LRRC4B: variants seen among roughly 807,000 people sequenced by gnomAD.
LRRC4B encodes the protein leucine-rich repeat-containing protein 4B.
LRRC4B carries 1 observed loss-of-function variant against 7.3 expected under a neutral mutation model. The ratio of observed to expected loss-of-function variants is 0.14; its 90% CI spans 0.05 to 0.65. The LOEUF (loss-of-function observed/expected upper bound fraction) is 0.65. Ranked by LOEUF, LRRC4B falls within the 30% of genes least tolerant of loss-of-function variation. The probability of loss-of-function intolerance (pLI) is 0.84; values close to 1 mark genes in which losing one functional copy is unlikely to be tolerated. For missense variants in LRRC4B, 730 were observed against 1,041.6 expected (o/e 0.70, Z 4.12); for synonymous variants, 500 against 499.2 (o/e 1.00, Z -0.02).
rs1434819601 is a variant in LRRC4B, at chr19:50,519,519, G to C, written c.298-104C>G. 1 of 1,444,084 alleles carries C rather than the reference G, an allele frequency of 6.9e-7. No homozygotes were observed. The highest frequency in any genetic ancestry group is 1.4e-5 in the African/African-American group (1 of 69,900). 89.5% of individuals were successfully genotyped at this position (1,444,084 alleles called of 1,614,324 possible). ...GTGGGGCCGTGTGGCTGGATCTCCC[G>C]TGCTGTGCTGTGACGGTACGACCTA... On this transcript the variant is annotated intron_variant, in intron 2 of 2. Coordinates refer to ENST00000652263, the MANE Select transcript of LRRC4B (RefSeq NM_001080457.2). This position sits in a 1 kb window ranked among gnomAD's most constrained non-coding sequence, Gnocchi z 8.1.
intron 2 of LRRC4B, among the ~76,000 whole-genome samples, chr19:50,521,451 A>G (rs976062775): frequency 6.6e-6 from 1 of 152,100 alleles, no homozygotes; most frequent in Non-Finnish European, 1.5e-5. Flanking sequence ...TTTTTGAGAC[A>G]GAGTCTTGCT....
At position 50,519,061 on chromosome 19, in the gene LRRC4B, T is replaced by C. The variant is rs1980436606; in HGVS notation, c.652A>G (p.Asn218Asp). The C allele has an allele frequency of 6.2e-7, 1 of 1,609,532 alleles. No homozygotes were observed. The highest frequency in any genetic ancestry group is 8.5e-7 in the Non-Finnish European group (1 of 1,179,892). The change falls in exon 3 of 3, where the codon AAC becomes GAC. Residue 218 changes from asparagine (N) to aspartate (D), a missense_variant. Physicochemically the swap from Asn to Asp is conservative, Grantham distance 23. Transcript: ENST00000652263. This position sits in a 1 kb window ranked among gnomAD's most constrained non-coding sequence, Gnocchi z 8.1. ...NLRYLNLGMC[N>D]LKDIPNLTAL... ...GTCAGGTTGGGGATGTCCTTGAGGT[T>C]GCACATGCCCAGGTTGAGGTAGCGC...
rs1274070282 is a variant in LRRC4B at position 50,555,590 on chromosome 19, G to A, written c.-35-6717C>T. ...AGAGGCTGGGAGGGCCCGGGCACTC[G>A]AGGCGTGAAGCTGAGTCCTCACCGG... On this transcript the variant is annotated intron_variant, in intron 1 of 2. Transcript: ENST00000652263. This position sits in a 1 kb window ranked among gnomAD's most constrained non-coding sequence, Gnocchi z 5.2. 1.3e-5 allele frequency: 2 copies of A among 152,556 alleles called. No individual in the cohort carries two copies. The highest frequency in any genetic ancestry group is 4.8e-5 in the African/African-American group (2 of 41,460). 9.5% of individuals were successfully genotyped at this position (152,556 alleles called of 1,614,324 possible). A position where few individuals can be genotyped will look rare whatever the true frequency, so the allele number is the denominator to read the frequency against.
At chr19:50,527,745 CTTTTTTTCT>C (rs1245823858) in intron 2 of LRRC4B, among the ~76,000 whole-genome samples, 1 of 71,462 alleles carries the variant, frequency 1.4e-5, no homozygotes, top group Non-Finnish European at 2.5e-5. Flanking sequence ...TCTTTCTTTT[CTTTTTTTCT>C]TTTTTTTTTT....
chr19:50,552,683 T>TTCATCCATCCAC (rs1555809091), intron 1 of LRRC4B, among the ~76,000 whole-genome samples: 9,002 of 120,530 alleles, frequency 0.075, 1,094 homozygotes, highest in Middle Eastern at 0.12. Flanking sequence ...CATCCATCCA[T>TTCATCCATCCAC]CCATCCGTCC....
intron 2 of LRRC4B, among the ~76,000 whole-genome samples, chr19:50,535,610 C>G (rs1388792350): frequency 6.6e-6 from 1 of 152,218 alleles, no homozygotes; most frequent in Admixed American, 6.5e-5. Flanking sequence ...ATGATGACTT[C>G]TCATATTTCT....
chr19:50,561,039 G>A (rs181121017), intron 1 of LRRC4B, among the ~76,000 whole-genome samples: 101 of 152,070 alleles, frequency 6.6e-4, no homozygotes, highest in Middle Eastern at 3.4e-3. Flanking sequence ...TGCAGTGAGC[G>A]AAGATAGCAC....
chr19:50,543,335 GGTGTGTGTGTGT>G (rs143123202), intron 2 of LRRC4B, among the ~76,000 whole-genome samples: 4 of 145,194 alleles, frequency 2.8e-5, no homozygotes, highest in African/African-American at 1.0e-4. Context: ...GCCAGGCCCT[GGTGTGTGTGTGT>G]GTGTGTGTGT....
rs576793731 is a variant in LRRC4B at position 50,554,710 on chromosome 19, G to A, written c.-35-5837C>T. 2.0e-5 allele frequency among the ~76,000 whole-genome samples: 3 copies of A among 152,352 alleles called. No individual in the cohort carries two copies. In the East Asian group the frequency reaches 5.8e-4, roughly 29 times the overall value. On this transcript the variant is annotated intron_variant, in intron 1 of 2. Coordinates refer to ENST00000652263, the MANE Select transcript of LRRC4B (RefSeq NM_001080457.2). ...GCACTGACTGGGCACCATTCTGGGA[G>A]CTTTACTTGCATTAGCCACCGCAGT...
At chr19:50,554,947 G>A (rs980003833) in intron 1 of LRRC4B, among the ~76,000 whole-genome samples, 1 of 152,140 alleles carries the variant, frequency 6.6e-6, no homozygotes, top group South Asian at 2.1e-4. Context: ...GCCTGTGTGT[G>A]GGGGGCAGGG....
At chr19:50,527,511 T>G (rs904385063) in intron 2 of LRRC4B, among the ~76,000 whole-genome samples, 8 of 151,918 alleles carry the variant, frequency 5.3e-5, no homozygotes, top group Admixed American at 3.9e-4. Context: ...ATTTTGATGA[T>G]ACAATATACT....
At position 50,519,284 on chromosome 19, in the gene LRRC4B, G is replaced by T. The variant is rs1242459569; in HGVS notation, c.429C>A (p.Asp143Glu). 1 of 1,613,918 alleles carries T rather than the reference G, an allele frequency of 6.2e-7. No individual in the cohort carries two copies. The highest frequency in any genetic ancestry group is 8.5e-7 in the Non-Finnish European group (1 of 1,180,044). ...LPSLNTLELF[D>E]NRLTTVPTQA... ...GCGTGGGCACCGTGGTCAGCCGGTT[G>T]TCAAAAAGCTCCAGCGTGTTGAGGC... Residue 143 changes from aspartate to glutamate, a missense_variant, in exon 3 of 3, where the codon GAC becomes GAA. This residue lies in a region of LRRC4B where 226 missense variants were observed against 448.0 expected (regional missense o/e 0.50). Transcript: ENST00000652263. This position sits in a 1 kb window ranked among gnomAD's most constrained non-coding sequence, Gnocchi z 8.1.
At chr19:50,529,002 G>C (rs1024332127) in intron 2 of LRRC4B, among the ~76,000 whole-genome samples, 1 of 152,132 alleles carries the variant, frequency 6.6e-6, no homozygotes, top group Non-Finnish European at 1.5e-5. Flanking sequence ...GGAGAAGCAG[G>C]GGCTTGAGAA....
In LRRC4B at chr19:50,519,541, C is replaced by T. The variant is rs1980461685; in HGVS notation, c.298-126G>A. The T allele has an allele frequency of 3.5e-6, 5 of 1,429,226 alleles. No individual in the cohort carries two copies. Among genetic ancestry groups the T allele is most frequent in the Non-Finnish European group, 3.7e-6 (4 of 1,093,812 alleles). 88.5% of individuals were successfully genotyped at this position (1,429,226 alleles called of 1,614,324 possible). ...CCCGTGCTGTGCTGTGACGGTACGACCTATATTGCAACATGGTTTGATGAG... is the reference window on the plus strand; with the variant it reads ...CCCGTGCTGTGCTGTGACGGTACGATCTATATTGCAACATGGTTTGATGAG... On this transcript the variant is annotated intron_variant, in intron 2 of 2. Coordinates refer to ENST00000652263, the MANE Select transcript of LRRC4B (RefSeq NM_001080457.2). The surrounding 1 kb of genome is among the most constrained non-coding windows in gnomAD (Gnocchi z 8.1).
intron 2 of LRRC4B, among the ~76,000 whole-genome samples, chr19:50,526,914 C>T (rs1980834602): frequency 6.7e-6 from 1 of 150,316 alleles, no homozygotes; most frequent in African/African-American, 2.4e-5. Context: ...AGTGCAGTGG[C>T]ACAATCTTGG....
At chr19:50,531,317 G>C (rs1053100243) in intron 2 of LRRC4B, among the ~76,000 whole-genome samples, 1 of 152,242 alleles carries the variant, frequency 6.6e-6, no homozygotes, top group African/African-American at 2.4e-5. Flanking sequence ...GTGCACCTGG[G>C]GCTCCAGCCC....
At position 50,544,886 on chromosome 19, in the gene LRRC4B, C is replaced by T. The variant is rs1045891964; in HGVS notation, c.297+3656G>A. Among the ~76,000 whole-genome samples, 7 of 150,478 alleles carry T rather than the reference C, an allele frequency of 4.7e-5. No individual in the cohort carries two copies. In the East Asian group the frequency reaches 5.8e-4, roughly 12 times the overall value. On this transcript the variant is annotated intron_variant, in intron 2 of 2. Coordinates refer to ENST00000652263, the MANE Select transcript of LRRC4B (RefSeq NM_001080457.2). ...CCTGGGAAACATAGTGAGACCCTGT[C>T]TTCATAAAAAAGAAAAAAAATCGAG... is the stretch of plus-strand genomic sequence containing the variant.
At position 50,517,750 on chromosome 19, in the gene LRRC4B, G is replaced by C; in HGVS notation, c.1963C>G (p.Leu655Val). 2 of 1,526,628 alleles carry C rather than the reference G, an allele frequency of 1.3e-6. No homozygotes were observed. Among genetic ancestry groups the C allele is most frequent in the Non-Finnish European group, 1.8e-6 (2 of 1,140,740 alleles). The allele number at this position is 1,526,628 out of a possible 1,614,324, so 94.6% of individuals were successfully genotyped here. A position where few individuals can be genotyped will look rare whatever the true frequency, so the allele number is the denominator to read the frequency against. The change falls in exon 3 of 3, where the codon CTG (leucine) becomes GTG (valine). Residue 655 changes from leucine to valine, a missense_variant. Coordinates refer to ENST00000652263, the MANE Select transcript of LRRC4B (RefSeq NM_001080457.2). This position sits in a 1 kb window ranked among gnomAD's most constrained non-coding sequence, Gnocchi z 6.6. Reference protein sequence around the residue: ...GGDSHLALPALERDHLNHHHY... With the variant: ...GGDSHLALPAVERDHLNHHHY... Reference sequence around the variant, plus strand: ...TGGTGGTTGAGGTGGTCTCGCTCCAGGGCGGGCAGGGCCAGGTGGCTGTCC... The same window carrying C: ...TGGTGGTTGAGGTGGTCTCGCTCCACGGCGGGCAGGGCCAGGTGGCTGTCC...
chr19:50,527,333 T>TGC (rs1980852972), intron 2 of LRRC4B, among the ~76,000 whole-genome samples: 1 of 143,230 alleles, frequency 7.0e-6, no homozygotes, highest in Non-Finnish European at 1.5e-5. Flanking sequence ...CGCCCGGCTG[T>TGC]TTTCTTTCTT....
Sources: allele counts gnomAD v4.1 joint callset (sites outside exome capture counted in the v4.1 genomes callset), GRCh38; gene constraint gnomAD v4.1.1; regional missense constraint gnomAD v4.1.1; non-coding constraint Gnocchi (gnomAD v3.1); transcripts MANE v1.5; gene names NCBI Gene and HGNC (gene_info 2026-07-23, HGNC 2026-07-21).